Variants in OTOG observed in about 807,000 individuals in gnomAD.
OTOG encodes the protein otogelin.
A neutral mutation model predicts 313.8 loss-of-function variants in OTOG; 296 were observed. That is an observed-to-expected ratio of 0.94 (90% CI 0.86 to 1.04). The LOEUF is 1.04. Ranked by LOEUF, OTOG falls within the 50% of genes least tolerant of loss-of-function variation. OTOG has a pLI of 0.00. For missense variants in OTOG, 3,948 were observed against 3,840.1 expected (o/e 1.03, Z -0.74); for synonymous variants, 1,533 against 1,554.9 (o/e 0.99, Z 0.33).
intron 4 of OTOG, among the ~76,000 whole-genome samples, chr11:17,552,440 C>T (rs1215217630): frequency 2.0e-5 from 3 of 152,016 alleles, no homozygotes; most frequent in African/African-American, 7.2e-5. Flanking sequence ...TTGTCTGTAG[C>T]CCCCACTCCC....
At chr11:17,644,420 C>T (rs1029161885) in intron 54 of OTOG, among the ~76,000 whole-genome samples, 8 of 152,354 alleles carry the variant, frequency 5.3e-5, no homozygotes, top group South Asian at 2.1e-4. Flanking sequence ...GATTCCATTC[C>T]ATTTCTAAAG....
chr11:17,577,427 G>T (rs147529351), intron 22 of OTOG, among the ~76,000 whole-genome samples: 5 of 152,196 alleles, frequency 3.3e-5, no homozygotes, highest in African/African-American at 1.2e-4. Flanking sequence ...GTAGGGCCTG[G>T]GGGCTGGAGC....
At chr11:17,587,585 T>A (rs1326654170) in intron 24 of OTOG, among the ~76,000 whole-genome samples, 1 of 152,166 alleles carries the variant, frequency 6.6e-6, no homozygotes, top group Non-Finnish European at 1.5e-5. Context: ...GAAACCACCC[T>A]GTTTCTCTGG....
rs766201453 is a variant in OTOG, at chr11:17,578,444, G to A, written c.2677G>A (p.Glu893Lys). ...GCACACGGACCTGGAGCTGAGCAGG[G>A]AGAGGACGTGTGAGCAGCAACTGCT... ...DLHTDLELSR[E>K]RTCEQQLLNL... The change falls in exon 23 of 56, where the codon GAG becomes AAG. Residue 893 changes from glutamate to lysine, a missense_variant. Transcript: ENST00000399397. The A allele has an allele frequency of 6.5e-6, 10 of 1,541,670 alleles. No individual in the cohort carries two copies. The South Asian group carries it at 1.2e-4, about 18-fold the overall frequency.
intron 23 of OTOG, among the ~76,000 whole-genome samples, chr11:17,579,065 G>A (rs971974876): frequency 6.6e-6 from 1 of 152,242 alleles, no homozygotes; most frequent in African/African-American, 2.4e-5. Flanking sequence ...GTCAGGCTCT[G>A]TGGGCATGCC....
chr11:17,587,311 TG>T (rs1323637770), intron 24 of OTOG, among the ~76,000 whole-genome samples: 1 of 151,800 alleles, frequency 6.6e-6, no homozygotes, highest in Non-Finnish European at 1.5e-5. Flanking sequence ...CACACAGAGG[TG>T]GGTAGGCAGT....
Position 17,580,978 on chromosome 11 carries a change from A to C in OTOG, c.2759+2452A>C, listed in dbSNP as rs368589515. 1.7e-4 allele frequency among the ~76,000 whole-genome samples: 26 copies of C among 152,354 alleles called. No homozygotes were observed. In the South Asian group the frequency reaches 5.2e-3, roughly 30 times the overall value. Reference sequence around the variant, plus strand: ...GGTAAAAAGGTATAAATCCCCAGGGACAAAGAGAGAAGAGTGGAAGATCAG... The same window carrying C: ...GGTAAAAAGGTATAAATCCCCAGGGCCAAAGAGAGAAGAGTGGAAGATCAG... On this transcript the variant is annotated intron_variant, in intron 23 of 55. Transcript: ENST00000399397.
intron 18 of OTOG, 89 bp downstream of exon 18, chr11:17,572,293 G>A: frequency 1.6e-5 from 24 of 1,500,762 alleles, no homozygotes; most frequent in Admixed American, 2.1e-5. Flanking sequence ...CCGGGCAGGA[G>A]AGTGCTGGCC....
At chr11:17,643,527 C>A in intron 54 of OTOG, 21 bp downstream of exon 54, 3 of 1,415,062 alleles carry the variant, frequency 2.1e-6, no homozygotes, top group Non-Finnish European at 2.8e-6. Flanking sequence ...ATGGTGGGGG[C>A]CCAGGGGTGG....
intron 23 of OTOG, among the ~76,000 whole-genome samples, chr11:17,582,963 T>A (rs1034083990): frequency 2.6e-4 from 39 of 152,072 alleles, no homozygotes; most frequent in Non-Finnish European, 4.7e-4. Context: ...TGAGAAGTTT[T>A]TAATTTTGAT....
chr11:17,565,495 T>C (rs867228949), intron 15 of OTOG, among the ~76,000 whole-genome samples: 68 of 152,332 alleles, frequency 4.5e-4, no homozygotes, highest in African/African-American at 1.5e-3. Flanking sequence ...TTACTCCTTT[T>C]TCCCCCTTTC....
intron 25 of OTOG, among the ~76,000 whole-genome samples, chr11:17,592,046 G>A (rs1852956231): frequency 6.6e-6 from 1 of 152,158 alleles, no homozygotes; most frequent in Non-Finnish European, 1.5e-5. Context: ...GGTAGAGCTG[G>A]GGTCAAGTTT....
chr11:17,574,934 C>T (rs1852491354), intron 20 of OTOG, 22 bp downstream of exon 20: 1 of 1,473,602 alleles, frequency 6.8e-7, no homozygotes, highest in African/African-American at 1.4e-5. Context: ...AGCTTGATCT[C>T]TGAGTTGGGT....
rs565041685 is a variant in OTOG, at chr11:17,633,391, T to G, written c.7073-289T>G. ...AAGTCCTCAACTCTACCTTTTTTGG[T>G]ACAAAAACAGCCTGAGACAGAATAT... On this transcript the variant is annotated intron_variant, in intron 42 of 55. Coordinates refer to ENST00000399397, the MANE Select transcript of OTOG (RefSeq NM_001292063.2). 6.6e-5 allele frequency among the ~76,000 whole-genome samples: 10 copies of G among 152,348 alleles called. No homozygotes were observed. In the East Asian group the frequency reaches 1.7e-3, roughly 26 times the overall value.
chr11:17,604,348 GGGA>G (rs1250879142), intron 32 of OTOG, among the ~76,000 whole-genome samples: 2 of 152,240 alleles, frequency 1.3e-5, no homozygotes, highest in Non-Finnish European at 2.9e-5. Flanking sequence ...CCAAGGCCCA[GGGA>G]GGAGAAGTGA....
intron 6 of OTOG, among the ~76,000 whole-genome samples, chr11:17,553,876 G>A (rs1851999194): frequency 6.6e-6 from 1 of 152,232 alleles, no homozygotes; most frequent in Admixed American, 6.5e-5. Flanking sequence ...CATCAAATCA[G>A]AGGACTCATT....
intron 24 of OTOG, among the ~76,000 whole-genome samples, chr11:17,588,604 G>A (rs1852861240): frequency 6.6e-6 from 1 of 152,180 alleles, no homozygotes. Flanking sequence ...GTCAGACACA[G>A]AGCCCTGGGT....
chr11:17,560,654 A>G (rs554688716), intron 12 of OTOG, 55 bp from the exon 13 acceptor site: 63 of 1,333,040 alleles, frequency 4.7e-5, no homozygotes, highest in Non-Finnish European at 6.2e-5. Context: ...GGAGCCACGA[A>G]TGGTTTGTGA....
intron 38 of OTOG, 52 bp downstream of exon 38, chr11:17,612,817 T>A (rs567211687): frequency 7.4e-5 from 113 of 1,524,930 alleles, no homozygotes; most frequent in Non-Finnish European, 8.9e-5. Flanking sequence ...GGGACTAGGA[T>A]AAGAGGGGAG....
Sources: gnomAD v4.1 joint callset for allele counts (sites outside exome capture counted in the v4.1 genomes callset) on GRCh38, gnomAD v4.1.1 for gene constraint, MANE v1.5 for transcripts, NCBI Gene and HGNC (gene_info 2026-07-23, HGNC 2026-07-21) for gene names.